The following SEC61A2 variants were observed in gnomAD, a reference collection of about 807,000 sequenced individuals.
SEC61A2 encodes protein transport protein Sec61 subunit alpha isoform 2.
SEC61A2 carries 28 observed loss-of-function variants against 59.9 expected under a neutral mutation model. The ratio of observed to expected loss-of-function variants is 0.47; its 90% CI spans 0.35 to 0.64. The LOEUF (loss-of-function observed/expected upper bound fraction) is 0.64. SEC61A2 is among the 30% of genes least tolerant of loss of function. The pLI is 0.01. For missense variants in SEC61A2, 340 were observed against 585.9 expected (o/e 0.58, Z 4.33); for synonymous variants, 202 against 214.4 (o/e 0.94, Z 0.50).
chr10:12,165,198 C>T lies in SEC61A2; in HGVS notation c.*744C>T, dbSNP rs918552237. Reference sequence around the variant, plus strand: ...TCTTTCAAGATTCTGGGCCCCGATTCTTTTCTGTTTAAATCCCTAAAGCAA... The same window carrying T: ...TCTTTCAAGATTCTGGGCCCCGATTTTTTTCTGTTTAAATCCCTAAAGCAA... On this transcript the variant is annotated 3_prime_UTR_variant, in exon 12 of 12. Coordinates refer to ENST00000298428, the MANE Select transcript of SEC61A2 (RefSeq NM_018144.4). 1.0e-6 allele frequency: 1 copy of T among 985,292 alleles called. No individual in the cohort carries two copies. Among genetic ancestry groups the T allele is most frequent in the Non-Finnish European group, 1.2e-6 (1 of 829,916 alleles). 61.0% of individuals were successfully genotyped at this position (985,292 alleles called of 1,614,324 possible).
chr10:12,147,420 C>G (rs542620583), intron 4 of SEC61A2, among the ~76,000 whole-genome samples: 25 of 152,280 alleles, frequency 1.6e-4, no homozygotes, highest in Non-Finnish European at 2.8e-4. Flanking sequence ...CACAGTGGCT[C>G]ATGCCTGTAA....
rs1269952299 is a variant in SEC61A2, at chr10:12,155,140, C to T, written c.463-638C>T. 6.6e-6 allele frequency among the ~76,000 whole-genome samples: 1 copy of T among 152,084 alleles called. No individual in the cohort carries two copies. Among genetic ancestry groups the T allele is most frequent in the Non-Finnish European group, 1.5e-5 (1 of 68,012 alleles). ...ATTTTTAAAAACAATATGAGCTTAACCTTAACCGTCTTCAAATTTACATTC... is the reference window on the plus strand; with the variant it reads ...ATTTTTAAAAACAATATGAGCTTAATCTTAACCGTCTTCAAATTTACATTC... On this transcript the variant is annotated intron_variant, in intron 6 of 11. Transcript: ENST00000298428. This position sits in a 1 kb window ranked among gnomAD's most constrained non-coding sequence, Gnocchi z 4.3.
intron 4 of SEC61A2, among the ~76,000 whole-genome samples, chr10:12,144,781 G>T (rs924992443): frequency 6.6e-6 from 1 of 152,074 alleles, no homozygotes; most frequent in Non-Finnish European, 1.5e-5. Context: ...CCAGGCGCAG[G>T]GGCTCATGCC....
rs1236125383 is a variant in SEC61A2 at position 12,160,368 on chromosome 10, A to T, written c.976-562A>T. On this transcript the variant is annotated intron_variant, in intron 9 of 11. Coordinates refer to ENST00000298428, the MANE Select transcript of SEC61A2 (RefSeq NM_018144.4). This position sits in a 1 kb window ranked among gnomAD's most constrained non-coding sequence, Gnocchi z 4.1. The stretch of plus-strand genomic sequence containing the variant: ...CCCTATCTGTATACCCCAAAACTTT[A>T]TTTAATATGAGCAAATAATGCTGTT... Among the ~76,000 whole-genome samples, 1 of 152,198 alleles carries T rather than the reference A, an allele frequency of 6.6e-6. No homozygotes were observed. Among genetic ancestry groups the T allele is most frequent in the Non-Finnish European group, 1.5e-5 (1 of 68,020 alleles).
At chr10:12,168,031 T>TC, downstream of SEC61A2, 2 of 896,142 alleles carry the variant, frequency 2.2e-6, no homozygotes, top group Non-Finnish European at 3.0e-6. The surrounding 1 kb of genome is among the most constrained non-coding windows in gnomAD (Gnocchi z 4.8). Flanking sequence ...ATAATGATTT[T>TC]TTTTTTTTTT....
At position 12,160,630 on chromosome 10, in the gene SEC61A2, G is replaced by A. The variant is rs1165428694; in HGVS notation, c.976-300G>A. Among the ~76,000 whole-genome samples the A allele has an allele frequency of 3.3e-5, 5 of 152,116 alleles. 1 individual carries two copies. Among genetic ancestry groups the A allele is most frequent in the Admixed American group, 2.6e-4 (4 of 15,272 alleles). On this transcript the variant is annotated intron_variant, in intron 9 of 11. Transcript: ENST00000298428. This position sits in a 1 kb window ranked among gnomAD's most constrained non-coding sequence, Gnocchi z 4.1. ...ATTTCAGATTTTAAGTATAATCAGA[G>A]GTTGATTGTAAATGTAATCATATTC...
rs199640396 is a variant in SEC61A2, at chr10:12,149,839, C to G, written c.353-13C>G. On this transcript the variant is annotated splice_polypyrimidine_tract_variant and intron_variant, in intron 5 of 11. Coordinates refer to ENST00000298428, the MANE Select transcript of SEC61A2 (RefSeq NM_018144.4). This position sits in a 1 kb window ranked among gnomAD's most constrained non-coding sequence, Gnocchi z 5.2. ...TGGTAAGCGTGCTCTCCTTTCCCCC[C>G]AACTTTCATCAGTGTTTGGTATGAT... 1 of 1,612,006 alleles carries G rather than the reference C, an allele frequency of 6.2e-7. No individual in the cohort carries two copies. Among genetic ancestry groups the G allele is most frequent in the East Asian group, 2.2e-5 (1 of 44,860 alleles).
intron 2 of SEC61A2, 137 bp from the exon 3 acceptor site, chr10:12,135,968 C>T: frequency 1.6e-6 from 1 of 643,142 alleles, no homozygotes; most frequent in Non-Finnish European, 2.8e-6. Flanking sequence ...AACAAAAATG[C>T]TTCCTTTATA....
Position 12,149,154 on chromosome 10 carries a change from A to G in SEC61A2, c.221-441A>G, listed in dbSNP as rs1170651019. Among the ~76,000 whole-genome samples the G allele has an allele frequency of 1.3e-5, 2 of 152,012 alleles. No homozygotes were observed. Among genetic ancestry groups the G allele is most frequent in the East Asian group, 3.9e-4 (2 of 5,170 alleles). On this transcript the variant is annotated intron_variant, in intron 4 of 11. Transcript: ENST00000298428. This position sits in a 1 kb window ranked among gnomAD's most constrained non-coding sequence, Gnocchi z 5.2. ...GCCCGGGCTGGAGTGCAGTGGCGCA[A>G]TCTCGGCTTACTGCAACCTCTGCCT...
In SEC61A2 at chr10:12,142,030, C is replaced by T. The variant is rs2131657441; in HGVS notation, c.142-1087C>T. Among the ~76,000 whole-genome samples, 1 of 152,198 alleles carries T rather than the reference C, an allele frequency of 6.6e-6. No individual in the cohort carries two copies. Among genetic ancestry groups the T allele is most frequent in the East Asian group, 1.9e-4 (1 of 5,202 alleles). On this transcript the variant is annotated intron_variant, in intron 3 of 11. Coordinates refer to ENST00000298428, the MANE Select transcript of SEC61A2 (RefSeq NM_018144.4). This position sits in a 1 kb window ranked among gnomAD's most constrained non-coding sequence, Gnocchi z 5.4. Reference sequence around the variant, plus strand: ...ACTCCCAGACCCAGGGCTAATCTATCATAGGGAAGGGGTGTATGTGCTTTG... The same window carrying T: ...ACTCCCAGACCCAGGGCTAATCTATTATAGGGAAGGGGTGTATGTGCTTTG...
At chr10:12,169,547 C>T, downstream of SEC61A2, 2 of 466,902 alleles carry the variant, frequency 4.3e-6, no homozygotes, top group Admixed American at 3.9e-5. This position sits in a 1 kb window ranked among gnomAD's most constrained non-coding sequence, Gnocchi z 4.8. Flanking sequence ...TCATGCCTTT[C>T]TCCAAATACG....
chr10:12,163,495 T>C (rs1009990809), intron 11 of SEC61A2, among the ~76,000 whole-genome samples: 3 of 151,752 alleles, frequency 2.0e-5, no homozygotes, highest in African/African-American at 7.3e-5. Context: ...CGGCTAATTT[T>C]TGTATTTTTA....
chr10:12,162,067 G>A lies in SEC61A2; in HGVS notation c.1168-146G>A, dbSNP rs1341351377. On this transcript the variant is annotated intron_variant, in intron 10 of 11. Transcript: ENST00000298428. This position sits in a 1 kb window ranked among gnomAD's most constrained non-coding sequence, Gnocchi z 6.1. ...GAGCACTGAAGCTTTGGTTTCCTCA[G>A]GCTTAATGCGAATGATATGACAATG... 2 of 691,814 alleles carry A rather than the reference G, an allele frequency of 2.9e-6. No homozygotes were observed. The highest frequency in any genetic ancestry group is 2.6e-6 in the Non-Finnish European group (1 of 379,836). The allele number at this position is 691,814 out of a possible 1,614,324, so 42.9% of individuals were successfully genotyped here.
At chr10:12,134,345 T>G (rs1003319757) in intron 2 of SEC61A2, among the ~76,000 whole-genome samples, 6 of 152,068 alleles carry the variant, frequency 3.9e-5, no homozygotes, top group African/African-American at 1.4e-4. Flanking sequence ...AAAATAGTTG[T>G]TCCATTAACA....
chr10:12,157,199 G>C, intron 8 of SEC61A2, 132 bp downstream of exon 8: 1 of 838,076 alleles, frequency 1.2e-6, no homozygotes, highest in Non-Finnish European at 1.9e-6. Context: ...TTTGCAATTA[G>C]AGTCTCCAGA....
At chr10:12,165,786 A>T (rs568865310), downstream of SEC61A2, 42 of 152,340 alleles carry the variant, frequency 2.8e-4, no homozygotes, top group African/African-American at 9.9e-4. Context: ...ATGCTTACAA[A>T]GCCAAATAAT....
Position 12,161,229 on chromosome 10 carries a change from G to A in SEC61A2, c.1167+108G>A. 1.2e-6 allele frequency: 1 copy of A among 820,602 alleles called. No homozygotes were observed. Among genetic ancestry groups the A allele is most frequent in the Non-Finnish European group, 1.9e-6 (1 of 532,626 alleles). 50.8% of individuals were successfully genotyped at this position (820,602 alleles called of 1,614,324 possible). A position where few individuals can be genotyped will look rare whatever the true frequency, so the allele number is the denominator to read the frequency against. ...GAGGCCGCTGGATCGCTTCACCTCA[G>A]GAGTTTTGAGACCAGCCTGGGCAAC... On this transcript the variant is annotated intron_variant, in intron 10 of 11. Transcript: ENST00000298428. This position sits in a 1 kb window ranked among gnomAD's most constrained non-coding sequence, Gnocchi z 5.4.
At chr10:12,137,825 G>GT (rs1236336948) in intron 3 of SEC61A2, among the ~76,000 whole-genome samples, 4 of 152,042 alleles carry the variant, frequency 2.6e-5, no homozygotes, top group African/African-American at 4.8e-5. Flanking sequence ...GGTCAACATG[G>GT]TGAAACTCCG....
rs781519211 is a variant in SEC61A2 at position 12,153,779 on chromosome 10, A to G, written c.463-1999A>G. The G allele has an allele frequency of 3.7e-6, 6 of 1,610,660 alleles. No homozygotes were observed. The East Asian group carries it at 8.9e-5, about 24-fold the overall frequency. On this transcript the variant is annotated intron_variant, in intron 6 of 11. Transcript: ENST00000298428. The surrounding 1 kb of genome is among the most constrained non-coding windows in gnomAD (Gnocchi z 5.2). ...AAATATGTGGATACACTGAAGAGCT[A>G]TGATTGGATCAGTGTGTTTCACCCA...
Sources: gnomAD v4.1 joint callset for allele counts (sites outside exome capture counted in the v4.1 genomes callset) on GRCh38, gnomAD v4.1.1 for gene constraint, Gnocchi (gnomAD v3.1) non-coding constraint, MANE v1.5 for transcripts, NCBI Gene and HGNC (gene_info 2026-07-23, HGNC 2026-07-21) for gene names.